The following ANKRD18B variants were observed in gnomAD, a reference collection of about 807,000 sequenced individuals.
ANKRD18B encodes the protein ankyrin repeat domain 18B.
Under a neutral mutation model 111.8 loss-of-function variants are expected in ANKRD18B, and 75 were observed. The observed-to-expected ratio is 0.67, with a 90% CI of 0.56 to 0.81. The LOEUF (loss-of-function observed/expected upper bound fraction) is 0.81. Ranked by LOEUF, ANKRD18B falls within the 40% of genes least tolerant of loss-of-function variation. ANKRD18B has a pLI of 0.00. For synonymous variants in ANKRD18B, 356 were observed against 417.3 expected (o/e 0.85, Z 1.79); for missense variants, 1,038 against 1,225.5 (o/e 0.85, Z 2.28).
intron 9 of ANKRD18B, 24 bp downstream of exon 9, chr9:33,541,251 T>C (rs1215157042): frequency 5.2e-6 from 8 of 1,534,004 alleles, no homozygotes; most frequent in African/African-American, 4.2e-5. Context: ...GTATCTCTAC[T>C]CTTAACCATG....
At chr9:33,533,660 T>C in intron 4 of ANKRD18B, 115 bp downstream of exon 4, 9 of 1,415,618 alleles carry the variant, frequency 6.4e-6, no homozygotes. Flanking sequence ...ATTATTGGCA[T>C]ATAGTAAAAA....
intron 14 of ANKRD18B, among the ~76,000 whole-genome samples, chr9:33,560,613 C>A (rs1828592336): frequency 6.6e-6 from 1 of 152,138 alleles, no homozygotes; most frequent in South Asian, 2.1e-4. Context: ...TTTATGCAAC[C>A]ATTCATGAGG....
At chr9:33,530,331 C>T (rs1201963479) in intron 3 of ANKRD18B, among the ~76,000 whole-genome samples, 3 of 152,046 alleles carry the variant, frequency 2.0e-5, no homozygotes, top group Non-Finnish European at 4.4e-5. Flanking sequence ...TGAAGCCATG[C>T]ACAGTGGCAT....
chr9:33,541,887 G>T lies in ANKRD18B; in HGVS notation c.1078+660G>T, dbSNP rs528288296. Among the ~76,000 whole-genome samples, 11 of 152,230 alleles carry T rather than the reference G, an allele frequency of 7.2e-5. No individual in the cohort carries two copies. In the South Asian group the frequency reaches 2.3e-3, roughly 32 times the overall value. ...TCCATCTGCAGCCCTTTCTCTGTCT[G>T]CCCCTTTTTCTGGCATTACTGAGCT... On this transcript the variant is annotated intron_variant, in intron 9 of 18. Coordinates refer to ENST00000684830, the MANE Select transcript of ANKRD18B (RefSeq NM_001393611.1).
At chr9:33,554,988 A>G (rs1240507919) in intron 12 of ANKRD18B, among the ~76,000 whole-genome samples, 4 of 135,076 alleles carry the variant, frequency 3.0e-5, no homozygotes, top group African/African-American at 1.0e-4. Flanking sequence ...AGAGCCTTGC[A>G]CTGGTTTATC....
In ANKRD18B at chr9:33,543,190, A is replaced by C; in HGVS notation, c.1084A>C (p.Asn362His). Residue 362 changes from asparagine (N) to histidine (H), a missense_variant, in exon 10 of 19, where the codon AAC (asparagine) becomes CAC (histidine). Asn to His is a moderately conservative substitution (Grantham distance 68). Around this residue, in one of 4 missense-constraint regions of ANKRD18B, gnomAD observed 205 missense variants for 201.3 expected, o/e 1.02. Transcript: ENST00000684830. The part of the protein sequence containing the change: ...KKRKEGAKEH[N>H]LKVASEEKQE... ...ACATATGGATTTGTCAGCAGAACACAACTTAAAAGTGGCTTCAGAGGAAAA... is the reference window on the plus strand; with the variant it reads ...ACATATGGATTTGTCAGCAGAACACCACTTAAAAGTGGCTTCAGAGGAAAA... 1 of 1,552,000 alleles carries C rather than the reference A, an allele frequency of 6.4e-7. No homozygotes were observed. The highest frequency in any genetic ancestry group is 8.7e-7 in the Non-Finnish European group (1 of 1,146,908).
chr9:33,527,247 G>C (rs1330299166), intron 1 of ANKRD18B, among the ~76,000 whole-genome samples: 1 of 152,088 alleles, frequency 6.6e-6, no homozygotes, highest in Admixed American at 6.6e-5. Context: ...CTTAAGTGTT[G>C]ACTAAAATGA....
intron 13 of ANKRD18B, among the ~76,000 whole-genome samples, chr9:33,557,183 A>G (rs569111661): frequency 6.6e-6 from 1 of 152,166 alleles, no homozygotes; most frequent in South Asian, 2.1e-4. Context: ...AAATCATCAC[A>G]TATCTCTCTC....
intron 6 of ANKRD18B, among the ~76,000 whole-genome samples, chr9:33,537,447 C>T (rs370591924): frequency 4.6e-5 from 7 of 151,830 alleles, no homozygotes; most frequent in South Asian, 2.1e-4. Flanking sequence ...AATCTCAAAC[C>T]GTATTGTCTG....
At chr9:33,565,348 G>T (rs1828669110) in intron 14 of ANKRD18B, among the ~76,000 whole-genome samples, 1 of 152,136 alleles carries the variant, frequency 6.6e-6, no homozygotes, top group Non-Finnish European at 1.5e-5. Flanking sequence ...TCTGGGTGTT[G>T]TATTCTATGG....
At chr9:33,551,397 AACCCCACTCC>A (rs1338595939) in intron 12 of ANKRD18B, among the ~76,000 whole-genome samples, 1 of 152,236 alleles carries the variant, frequency 6.6e-6, no homozygotes, top group African/African-American at 2.4e-5. Context: ...CCATGACTGC[AACCCCACTCC>A]ATGTCTCTCC....
chr9:33,569,748 G>T (rs1392572809), intron 17 of ANKRD18B, among the ~76,000 whole-genome samples: 1 of 151,998 alleles, frequency 6.6e-6, no homozygotes, highest in Non-Finnish European at 1.5e-5. Context: ...AAACCTTTGT[G>T]CTTGGCCAGG....
intron 6 of ANKRD18B, among the ~76,000 whole-genome samples, 180 bp from the exon 7 acceptor site, chr9:33,539,269 C>G (rs1828244822): frequency 6.6e-6 from 1 of 152,144 alleles, no homozygotes; most frequent in Admixed American, 6.5e-5. Flanking sequence ...TTATTTATTA[C>G]ATATGTATCA....
intron 5 of ANKRD18B, 132 bp downstream of exon 5, chr9:33,534,639 A>G: frequency 1.6e-6 from 2 of 1,219,082 alleles, no homozygotes; most frequent in Non-Finnish European, 2.2e-6. Flanking sequence ...AAGTTAGTCC[A>G]CTTCTTAGCC....
intron 9 of ANKRD18B, 119 bp downstream of exon 9, chr9:33,541,346 A>G (rs1402152736): frequency 5.1e-6 from 7 of 1,375,054 alleles, no homozygotes; most frequent in Non-Finnish European, 5.8e-6. Flanking sequence ...ACATCAGTCT[A>G]TTACAAGGTT....
chr9:33,574,468 A>T (rs1828830730), downstream of ANKRD18B: 1 of 152,726 alleles, frequency 6.5e-6, no homozygotes, highest in Non-Finnish European at 1.5e-5. Flanking sequence ...GATGTATTGA[A>T]TTCAGCACTG....
intron 14 of ANKRD18B, 145 bp downstream of exon 14, chr9:33,558,332 C>A (rs1828557785): frequency 3.2e-6 from 3 of 937,404 alleles, no homozygotes; most frequent in Non-Finnish European, 4.6e-6. Context: ...TAGGCATTAG[C>A]TATTAATCTT....
intron 13 of ANKRD18B, among the ~76,000 whole-genome samples, chr9:33,557,020 G>A (rs1828537195): frequency 6.6e-6 from 1 of 152,034 alleles, no homozygotes; most frequent in Non-Finnish European, 1.5e-5. Flanking sequence ...CCTGAACACA[G>A]CTACTTTTCC....
chr9:33,533,172 C>G (rs1361476848), intron 3 of ANKRD18B, among the ~76,000 whole-genome samples: 2 of 152,082 alleles, frequency 1.3e-5, no homozygotes, highest in Non-Finnish European at 2.9e-5. Context: ...ATGGACTGTG[C>G]TAAATGCTGA....
Sources: allele counts gnomAD v4.1 joint callset (sites outside exome capture counted in the v4.1 genomes callset), GRCh38; gene constraint gnomAD v4.1.1; regional missense constraint gnomAD v4.1.1; transcripts MANE v1.5; gene names NCBI Gene and HGNC (gene_info 2026-07-23, HGNC 2026-07-21).